Variants in OPCML observed in about 807,000 individuals in gnomAD.
OPCML encodes the protein opioid-binding protein/cell adhesion molecule.
A neutral mutation model predicts 37.8 loss-of-function variants in OPCML; 13 were observed. The ratio of observed to expected loss-of-function variants is 0.34; its 90% CI spans 0.22 to 0.55. The LOEUF is 0.55. Ranked by LOEUF, OPCML falls within the 20% of genes least tolerant of loss-of-function variation. The pLI is 0.91. For synonymous variants in OPCML, 176 were observed against 168.8 expected, an observed-to-expected ratio of 1.04 and a Z score of -0.33; for missense variants, 341 against 435.6, an observed-to-expected ratio of 0.78 and a Z score of 1.93.
At chr11:133,287,294 T>TTTA (rs1592168877) in intron 1 of OPCML, among the ~76,000 whole-genome samples, 15 of 148,028 alleles carry the variant, frequency 1.0e-4, no homozygotes, top group Admixed American at 8.0e-4. Context: ...TTTTTTTTTT[T>TTTA]AGAGATAAGG....
intron 1 of OPCML, among the ~76,000 whole-genome samples, chr11:133,239,617 G>A (rs1940650653): frequency 6.6e-6 from 1 of 152,204 alleles, no homozygotes; most frequent in South Asian, 2.1e-4. Flanking sequence ...AAGTGAGAAA[G>A]ACCAAAAAGT....
intron 1 of OPCML, among the ~76,000 whole-genome samples, chr11:133,462,273 T>C (rs1490149654): frequency 6.6e-6 from 1 of 152,082 alleles, no homozygotes; most frequent in Admixed American, 6.5e-5. Context: ...TTTCATGACA[T>C]TGGATTTGGC....
rs1950345813 is a variant in OPCML at position 133,174,936 on chromosome 11, C to T, written c.62-231926G>A. Reference sequence around the variant, plus strand: ...GAGCAACAAAGTGAGACTCCTGTCTCTACAAAAAATTTTTAAAAAGTAACT... The same window carrying T: ...GAGCAACAAAGTGAGACTCCTGTCTTTACAAAAAATTTTTAAAAAGTAACT... On this transcript the variant is annotated intron_variant, in intron 1 of 7. Transcript: ENST00000524381. The surrounding 1 kb of genome is among the most constrained non-coding windows in gnomAD (Gnocchi z 4.6). Among the ~76,000 whole-genome samples the T allele has an allele frequency of 6.6e-6, 1 of 152,116 alleles. No individual in the cohort carries two copies. The highest frequency in any genetic ancestry group is 1.5e-5 in the Non-Finnish European group (1 of 68,014).
intron 2 of OPCML, among the ~76,000 whole-genome samples, chr11:132,741,744 G>A (rs183344165): frequency 3.3e-5 from 5 of 151,876 alleles, no homozygotes; most frequent in Non-Finnish European, 5.9e-5. Flanking sequence ...AAAGCATTTC[G>A]GGCCAGGTGC....
At chr11:133,101,201 G>A (rs1001818626) in intron 1 of OPCML, among the ~76,000 whole-genome samples, 2 of 152,190 alleles carry the variant, frequency 1.3e-5, no homozygotes, top group Non-Finnish European at 2.9e-5. Flanking sequence ...AGGGTGACAA[G>A]TGTGAGCCAC....
intron 1 of OPCML, among the ~76,000 whole-genome samples, chr11:133,226,277 T>C (rs1365331473): frequency 2.6e-5 from 4 of 152,272 alleles, no homozygotes. Context: ...GTTAACCTCA[T>C]TTTTGGCTCT....
At chr11:133,277,172 C>A (rs567212386) in intron 1 of OPCML, among the ~76,000 whole-genome samples, 30 of 152,308 alleles carry the variant, frequency 2.0e-4, no homozygotes, top group African/African-American at 7.2e-4. Flanking sequence ...TCACTCCTTA[C>A]TTCCAAATAT....
At chr11:133,437,674 G>A (rs137995184) in intron 1 of OPCML, among the ~76,000 whole-genome samples, 4 of 79,234 alleles carry the variant, frequency 5.0e-5, no homozygotes, top group East Asian at 6.5e-4. Flanking sequence ...TCTCAACCCC[G>A]CTCACCTCTC....
intron 2 of OPCML, chr11:132,859,232 A>G (rs1031076888): frequency 4.6e-5 from 7 of 152,238 alleles, no homozygotes; most frequent in Non-Finnish European, 8.8e-5. Context: ...CGGTGCAGCC[A>G]TGAAGAAGCA....
intron 2 of OPCML, among the ~76,000 whole-genome samples, chr11:132,877,733 T>C (rs921281848): frequency 6.6e-6 from 1 of 152,170 alleles, no homozygotes; most frequent in African/African-American, 2.4e-5. Flanking sequence ...TATCCTAGAC[T>C]TTACTCTGTG....
intron 2 of OPCML, among the ~76,000 whole-genome samples, chr11:132,817,600 G>A (rs1939706649): frequency 1.3e-5 from 2 of 152,162 alleles, no homozygotes; most frequent in Admixed American, 6.5e-5. Context: ...AACAAGGGCA[G>A]AGAACATCTC....
chr11:133,298,222 G>C (rs1202147050), intron 1 of OPCML: 1 of 151,990 alleles, frequency 6.6e-6, no homozygotes, highest in Admixed American at 6.6e-5. Flanking sequence ...TTTCTCCCTT[G>C]ATCAAATCCC....
chr11:133,103,134 G>C (rs1472386715), intron 1 of OPCML, among the ~76,000 whole-genome samples: 3 of 152,162 alleles, frequency 2.0e-5, no homozygotes, highest in African/African-American at 7.2e-5. Context: ...ATAGTGATCT[G>C]GGGATTCCTA....
chr11:133,265,690 G>T (rs1941636324), intron 1 of OPCML, among the ~76,000 whole-genome samples: 1 of 152,170 alleles, frequency 6.6e-6, no homozygotes, highest in Admixed American at 6.5e-5. Context: ...GTCTGGGAGT[G>T]AAGATGTGTC....
chr11:133,195,356 A>G (rs528533222), intron 1 of OPCML, among the ~76,000 whole-genome samples: 1 of 152,324 alleles, frequency 6.6e-6, no homozygotes, highest in South Asian at 2.1e-4. Context: ...GCCATTGCTT[A>G]AGTAAAAACA....
intron 1 of OPCML, among the ~76,000 whole-genome samples, chr11:133,157,429 A>C (rs1950078153): frequency 6.6e-6 from 1 of 152,150 alleles, no homozygotes; most frequent in African/African-American, 2.4e-5. Flanking sequence ...ATTTCTAAGC[A>C]AAGGGAGATT....
chr11:133,278,600 G>C (rs1479101101), intron 1 of OPCML, among the ~76,000 whole-genome samples: 1 of 151,996 alleles, frequency 6.6e-6, no homozygotes, highest in Non-Finnish European at 1.5e-5. Flanking sequence ...AAGAGGAGGA[G>C]ATTGAGATGA....
At chr11:132,495,486 G>A (rs1030695359) in intron 4 of OPCML, among the ~76,000 whole-genome samples, 1 of 152,152 alleles carries the variant, frequency 6.6e-6, no homozygotes, top group African/African-American at 2.4e-5. Flanking sequence ...CTTCAGGATA[G>A]CTTACCATGA....
intron 1 of OPCML, among the ~76,000 whole-genome samples, chr11:133,420,040 AT>A (rs1166055283): frequency 6.6e-6 from 1 of 152,244 alleles, no homozygotes; most frequent in Non-Finnish European, 1.5e-5. Flanking sequence ...CAGGGAAAAT[AT>A]TCTATGAGAA....
Sources: gnomAD v4.1 joint callset for allele counts (sites outside exome capture counted in the v4.1 genomes callset) on GRCh38, gnomAD v4.1.1 for gene constraint, Gnocchi (gnomAD v3.1) non-coding constraint, MANE v1.5 for transcripts, NCBI Gene and HGNC (gene_info 2026-07-23, HGNC 2026-07-21) for gene names.